The following CELF2 variants were observed in gnomAD, a reference collection of about 807,000 sequenced individuals.
CELF2 encodes the protein CUG triplet repeat RNA-binding protein 2.
In CELF2, 8 loss-of-function variants were observed where a neutral mutation model predicts 62.6. That is an observed-to-expected ratio of 0.13 (90% CI 0.07 to 0.23). The LOEUF (loss-of-function observed/expected upper bound fraction) is 0.23. Among genes scored for constraint, CELF2 ranks in the 10% least tolerant of loss-of-function variants. The pLI, the probability that CELF2 is intolerant of heterozygous loss-of-function variation, is 1.00. For missense variants in CELF2, 333 were observed against 671.0 expected, an observed-to-expected ratio of 0.50 and a Z score of 5.56; for synonymous variants, 258 against 250.0, an observed-to-expected ratio of 1.03 and a Z score of -0.30.
intron 1 of CELF2, among the ~76,000 whole-genome samples, chr10:11,132,178 A>G (rs1443051112): frequency 6.6e-6 from 1 of 152,234 alleles, no homozygotes; most frequent in East Asian, 1.9e-4. Flanking sequence ...CCAATTAAAC[A>G]TGTCTACCAG....
chr10:11,289,166 T>G (rs989997406), intron 9 of CELF2, among the ~76,000 whole-genome samples: 8 of 152,168 alleles, frequency 5.3e-5, no homozygotes, highest in Non-Finnish European at 8.8e-5. Context: ...ATACCGTGAT[T>G]TGAGGTTTTG....
At chr10:11,295,323 T>C (rs1034811226) in intron 9 of CELF2, among the ~76,000 whole-genome samples, 1 of 152,250 alleles carries the variant, frequency 6.6e-6, no homozygotes. Context: ...CTGCATGTCC[T>C]TTCTCTTCTA....
intron 1 of CELF2, among the ~76,000 whole-genome samples, chr10:10,890,131 C>G (rs185967473): frequency 1.5e-3 from 225 of 152,196 alleles, no homozygotes; most frequent in Non-Finnish European, 2.7e-3. Flanking sequence ...TGACTTTTTT[C>G]TCTTTAGTTC....
intron 1 of CELF2, among the ~76,000 whole-genome samples, chr10:10,843,799 C>G (rs762398285): frequency 2.6e-5 from 4 of 151,976 alleles, no homozygotes; most frequent in Admixed American, 6.6e-5. Context: ...AATCGCCCCC[C>G]AACACTGAAT....
chr10:11,077,588 TAAA>T (rs905130596), intron 1 of CELF2, among the ~76,000 whole-genome samples: 1 of 152,260 alleles, frequency 6.6e-6, no homozygotes, highest in South Asian at 2.1e-4. Context: ...CTGAGCCTTG[TAAA>T]AAAATACCTA....
chr10:11,336,331 TCTC>T lies in CELF2; in HGVS notation c.*7282_*7284del, dbSNP rs1287837509. 1.3e-5 allele frequency: 2 copies of T among 152,804 alleles called. No homozygotes were observed. Among genetic ancestry groups the T allele is most frequent in the Non-Finnish European group, 2.9e-5 (2 of 68,028 alleles). 9.5% of individuals were successfully genotyped at this position (152,804 alleles called of 1,614,324 possible). A position where few individuals can be genotyped will look rare whatever the true frequency, so the allele number is the denominator to read the frequency against. On this transcript the variant is annotated 3_prime_UTR_variant, in exon 13 of 13. Transcript: ENST00000633077. The surrounding 1 kb of genome is among the most constrained non-coding windows in gnomAD (Gnocchi z 5.4). ...TCACTATTTTTGCTGTGTTCTGTTT[TCTC>T]CTCTCATGCTTGGGCAAATCACTGG...
intron 3 of CELF2, among the ~76,000 whole-genome samples, chr10:11,231,080 G>T (rs891400419): frequency 6.6e-6 from 1 of 152,338 alleles, no homozygotes; most frequent in East Asian, 1.9e-4. Context: ...CTGGGTCTAT[G>T]TATGTTTTTG....
chr10:10,753,530 G>A, the CELF2 span, among the ~76,000 whole-genome samples: 4,235 of 152,242 alleles, frequency 0.028, 193 homozygotes, highest in African/African-American at 0.096. Context: ...GTCATGAAAA[G>A]TGAGCCCACT....
At chr10:10,584,416 C>T in the CELF2 span, among the ~76,000 whole-genome samples, 1 of 152,186 alleles carries the variant, frequency 6.6e-6, no homozygotes, top group Non-Finnish European at 1.5e-5. Flanking sequence ...AGTTTGAACA[C>T]TCAGCAGTGT....
Position 11,309,069 on chromosome 10 carries a change from A to G in CELF2, c.977-5070A>G, listed in dbSNP as rs1057347533. On this transcript the variant is annotated intron_variant, in intron 9 of 12. Coordinates refer to ENST00000633077, the MANE Select transcript of CELF2 (RefSeq NM_001326342.2). This position sits in a 1 kb window ranked among gnomAD's most constrained non-coding sequence, Gnocchi z 5.6. ...AGGCATGATTTTTTAGATTGTTATCATATTTATAATAGCTGCTTTCATGTC... is the reference window on the plus strand; with the variant it reads ...AGGCATGATTTTTTAGATTGTTATCGTATTTATAATAGCTGCTTTCATGTC... Among the ~76,000 whole-genome samples the G allele has an allele frequency of 2.0e-5, 3 of 152,184 alleles. No individual in the cohort carries two copies. The highest frequency in any genetic ancestry group is 7.2e-5 in the African/African-American group (3 of 41,432).
chr10:11,111,641 T>C (rs2055196683), intron 1 of CELF2, among the ~76,000 whole-genome samples: 1 of 152,200 alleles, frequency 6.6e-6, no homozygotes. Context: ...AGTCTCTCTT[T>C]TCACATAGGC....
chr10:10,733,203 G>A, the CELF2 span, among the ~76,000 whole-genome samples: 2 of 152,104 alleles, frequency 1.3e-5, no homozygotes, highest in Admixed American at 6.5e-5. Flanking sequence ...CTACACCCGG[G>A]CCATTGAAGC....
At chr10:10,736,392 CTTTCTT>C in the CELF2 span, among the ~76,000 whole-genome samples, 4 of 77,992 alleles carry the variant, frequency 5.1e-5, no homozygotes, top group African/African-American at 1.1e-4. Flanking sequence ...TTCTTTCTTT[CTTTCTT>C]TTTTTTTTTT....
At chr10:10,950,090 C>T (rs1343039874) in intron 2 of CELF2, among the ~76,000 whole-genome samples, 2 of 152,144 alleles carry the variant, frequency 1.3e-5, no homozygotes, top group South Asian at 2.1e-4. Context: ...CTGAGTTTAT[C>T]CCCTGGCTGC....
intron 1 of CELF2, among the ~76,000 whole-genome samples, chr10:11,129,317 G>A (rs549187660): frequency 2.1e-3 from 315 of 152,212 alleles, no homozygotes; most frequent in Admixed American, 4.6e-3. Flanking sequence ...GATGTTCATC[G>A]GGGATATTGG....
the CELF2 span, among the ~76,000 whole-genome samples, chr10:10,553,586 A>G: frequency 6.6e-6 from 1 of 152,160 alleles, no homozygotes; most frequent in Non-Finnish European, 1.5e-5. Context: ...AGAGTCACAC[A>G]CAGAGAGAGG....
In CELF2 at chr10:10,906,717, C is replaced by CTTTT. The variant is rs397846553; in HGVS notation, c.54-13230_54-13227dup. Among the ~76,000 whole-genome samples, 41 of 109,276 alleles carry CTTTT rather than the reference C, an allele frequency of 3.8e-4. 1 individual carries two copies. Among genetic ancestry groups the CTTTT allele is most frequent in the African/African-American group, 6.8e-4 (19 of 28,086 alleles). The allele number at this position is 109,276 out of a possible 152,430, so 71.7% of individuals were successfully genotyped here. ...ATACCTTTCTTTTTCTTTTTCTTTT[C>CTTTT]TTTTTTTTTTTTTTTTTTTTGAAAC... is the stretch of plus-strand genomic sequence containing the variant. On this transcript the variant is annotated intron_variant, in intron 1 of 13. Transcript: ENST00000636488.
chr10:10,703,680 AGAG>A, the CELF2 span, among the ~76,000 whole-genome samples: 28 of 152,346 alleles, frequency 1.8e-4, no homozygotes, highest in East Asian at 4.8e-3. Flanking sequence ...AATAGAAGGG[AGAG>A]GAGGAGAAGA....
chr10:11,095,138 A>G (rs999583046), intron 1 of CELF2, among the ~76,000 whole-genome samples: 25 of 152,062 alleles, frequency 1.6e-4, no homozygotes. Flanking sequence ...ACTGGCCTTG[A>G]TGCGTGGCCC....
Sources: gnomAD v4.1 joint callset for allele counts (sites outside exome capture counted in the v4.1 genomes callset) on GRCh38, gnomAD v4.1.1 for gene constraint, Gnocchi (gnomAD v3.1) non-coding constraint, MANE v1.5 for transcripts, NCBI Gene and HGNC (gene_info 2026-07-23, HGNC 2026-07-21) for gene names.